Variants in ZDHHC8 observed in about 807,000 individuals in gnomAD.
ZDHHC8 encodes zDHHC palmitoyltransferase 8.
ZDHHC8 carries 24 observed loss-of-function variants against 61.2 expected under a neutral mutation model. The ratio of observed to expected loss-of-function variants is 0.39; its 90% CI spans 0.28 to 0.55. ZDHHC8 has a LOEUF of 0.55. ZDHHC8 is among the 20% of genes least tolerant of loss of function. ZDHHC8 has a pLI of 0.60. For missense variants in ZDHHC8, 935 were observed against 1,102.1 expected (o/e 0.85, Z 2.15); for synonymous variants, 523 against 492.5 (o/e 1.06, Z -0.82).
chr22:20,143,278 G>T lies in ZDHHC8; in HGVS notation c.1648G>T (p.Ala550Ser), dbSNP rs752151823. ...CGACAACCTGTCCAGGACCATCATG[G>T]CATCCATCCAGGAGCGCAAGGACAG... is the stretch of plus-strand genomic sequence containing the variant. ...RYDNLSRTIM[A>S]SIQERKDREE... Residue 550 changes from alanine to serine, a missense_variant, in exon 10 of 11, where the codon GCA becomes TCA. Ala to Ser is a moderately conservative substitution (Grantham distance 99, BLOSUM62 1). Coordinates refer to ENST00000334554, the MANE Select transcript of ZDHHC8 (RefSeq NM_013373.4). 9 of 1,605,812 alleles carry T rather than the reference G, an allele frequency of 5.6e-6. No individual in the cohort carries two copies. Among genetic ancestry groups the T allele is most frequent in the Non-Finnish European group, 7.6e-6 (9 of 1,179,288 alleles).
Position 20,145,297 on chromosome 22 carries a change from G to A in ZDHHC8, c.2195G>A (p.Gly732Glu), listed in dbSNP as rs751877067. 7 of 1,591,556 alleles carry A rather than the reference G, an allele frequency of 4.4e-6. No homozygotes were observed. The South Asian group carries it at 6.7e-5, about 15-fold the overall frequency. The stretch of plus-strand genomic sequence containing the variant: ...CAGTCCCCGGGCCTGGCCCGGCTGG[G>A]ACCTGCCACCGGCCCCCCAGGGCCC... ...NGQSPGLARL[G>E]PATGPPGPSA... Residue 732 changes from glycine to glutamate, a missense_variant, in exon 11 of 11, where the codon GGA becomes GAA. Transcript: ENST00000334554.
At position 20,131,856 on chromosome 22, in the gene ZDHHC8, C is replaced by G. The variant is rs1378162984; in HGVS notation, c.-92C>G. On this transcript the variant is annotated 5_prime_UTR_variant, in exon 1 of 11. Coordinates refer to ENST00000334554, the MANE Select transcript of ZDHHC8 (RefSeq NM_013373.4). ...CGCCGCCGCCGCCGCGGGTCCTGCGCCGCGTCCAGCCCGCCCGCCCGACCC... is the reference window on the plus strand; with the variant it reads ...CGCCGCCGCCGCCGCGGGTCCTGCGGCGCGTCCAGCCCGCCCGCCCGACCC... 1 of 372,138 alleles carries G rather than the reference C, an allele frequency of 2.7e-6. No individual in the cohort carries two copies. 23.1% of individuals were successfully genotyped at this position (372,138 alleles called of 1,614,324 possible). A position where few individuals can be genotyped will look rare whatever the true frequency, so the allele number is the denominator to read the frequency against.
At position 20,142,958 on chromosome 22, in the gene ZDHHC8, G is replaced by A. The variant is rs765239609; in HGVS notation, c.1328G>A (p.Gly443Glu). 2 of 1,601,478 alleles carry A rather than the reference G, an allele frequency of 1.2e-6. No individual in the cohort carries two copies. The highest frequency in any genetic ancestry group is 1.1e-5 in the South Asian group (1 of 90,284). ...CTCAAGGCCTCGAGCCGGCGGGGCG[G>A]GGATCATGTGGCCCTGCAGCCCCTG... ...LSLKASSRRG[G>E]DHVALQPLRS... The change falls in exon 10 of 11, where the codon GGG becomes GAG. Residue 443 changes from glycine (G) to glutamate (E), a missense_variant. Physicochemically the swap from Gly to Glu is moderately conservative, Grantham distance 98. This residue lies in a region of ZDHHC8 where 692 missense variants were observed against 731.4 expected (regional missense o/e 0.95). Transcript: ENST00000334554.
At position 20,143,479 on chromosome 22, in the gene ZDHHC8, G is replaced by T; in HGVS notation, c.1849G>T (p.Gly617Cys). 1 of 1,600,120 alleles carries T rather than the reference G, an allele frequency of 6.2e-7. No individual in the cohort carries two copies. The change falls in exon 10 of 11, where the codon GGT becomes TGT. Residue 617 changes from glycine (G) to cysteine (C), a missense_variant. By Grantham distance (159) the Gly-to-Cys change is radical. Transcript: ENST00000334554. The stretch of plus-strand genomic sequence containing the variant: ...CGACCTTGTGGCTGGGCCCGGCTTC[G>T]GTGGCGCCCGCAACCCTGCCCTGCA... ...RDDLVAGPGF[G>C]GARNPALQTS...
At chr22:20,142,253 G>A (rs932189032) in intron 9 of ZDHHC8, among the ~76,000 whole-genome samples, 9 of 152,200 alleles carry the variant, frequency 5.9e-5, no homozygotes, top group African/African-American at 1.4e-4. Flanking sequence ...GCCGTGCCTC[G>A]CAGGAGGAGG....
chr22:20,140,697 C>A lies in ZDHHC8; in HGVS notation c.741C>A (p.Pro247=). The change falls in exon 6 of 11, where the codon CCC becomes CCA. Residue 247 remains proline, a synonymous_variant. Coordinates refer to ENST00000334554, the MANE Select transcript of ZDHHC8 (RefSeq NM_013373.4). ...CGNVEHVLCS[P]LAPRYVVEPP... ...ATGTGGAGCACGTGCTGTGTAGCCC[C>A]CTGGCGCCCCGGTGAGGCCCGGCCT... The A allele has an allele frequency of 6.2e-7, 1 of 1,611,164 alleles. No homozygotes were observed. The highest frequency in any genetic ancestry group is 8.5e-7 in the Non-Finnish European group (1 of 1,179,418).
rs60730595 is a variant in ZDHHC8, at chr22:20,147,451, G to T, written c.*2051G>T. On this transcript the variant is annotated 3_prime_UTR_variant, in exon 11 of 11. Transcript: ENST00000334554. ...CTGCAGGGGGTCCAGCACCCCACAG[G>T]GGGGCAGTCCCAGAGCTGTGGGGAC... is the stretch of plus-strand genomic sequence containing the variant. 0.038 allele frequency: 17,971 copies of T among 468,674 alleles called. 417 individuals are homozygous for T. The highest frequency in any genetic ancestry group is 0.047 in the East Asian group (1,322 of 27,854). The allele number at this position is 468,674 out of a possible 1,614,324, so 29.0% of individuals were successfully genotyped here.
intron 1 of ZDHHC8, among the ~76,000 whole-genome samples, chr22:20,138,018 G>C (rs1393224005): frequency 1.3e-5 from 2 of 152,276 alleles, no homozygotes; most frequent in Non-Finnish European, 2.9e-5. Context: ...TCTTTAAATA[G>C]CCTCTTGCTT....
intron 1 of ZDHHC8, among the ~76,000 whole-genome samples, chr22:20,138,354 C>G (rs963672031): frequency 7.2e-5 from 11 of 152,238 alleles, no homozygotes; most frequent in African/African-American, 2.7e-4. Context: ...TTCTTGGAAG[C>G]TGAGTGGGTG....
chr22:20,138,077 C>T (rs993700656), intron 1 of ZDHHC8, among the ~76,000 whole-genome samples: 7 of 152,252 alleles, frequency 4.6e-5, no homozygotes, highest in African/African-American at 9.6e-5. Flanking sequence ...GTTGCCGGGG[C>T]GGCGGGGCTG....
intron 9 of ZDHHC8, 108 bp from the exon 10 acceptor site, chr22:20,142,648 G>A: frequency 6.9e-7 from 1 of 1,440,056 alleles, no homozygotes; most frequent in Non-Finnish European, 9.5e-7. Context: ...GGCTCCTTGA[G>A]GCCCAGTTCC....
At chr22:20,133,019 G>A (rs1363664067) in intron 1 of ZDHHC8, among the ~76,000 whole-genome samples, 2 of 152,228 alleles carry the variant, frequency 1.3e-5, no homozygotes, top group African/African-American at 2.4e-5. Context: ...CCTGGAGAGG[G>A]GCAGGTAGGG....
Position 20,143,652 on chromosome 22 carries a change from C to T in ZDHHC8, c.2022C>T (p.Pro674=), listed in dbSNP as rs776648020. Residue 674 remains proline (P), a synonymous_variant, in exon 10 of 11, where the codon CCC becomes CCT. Transcript: ENST00000334554. ...SHRSPARQGL[P]SPPGTPHSPS... ...GGTCACCTGCACGCCAGGGCCTGCC[C>T]TCCCCGCCCGGCACTCCCCACTCAC... The T allele has an allele frequency of 1.2e-6, 2 of 1,607,732 alleles. No individual in the cohort carries two copies. The highest frequency in any genetic ancestry group is 1.1e-5 in the South Asian group (1 of 90,672).
chr22:20,137,981 C>T (rs1369492189), intron 1 of ZDHHC8, among the ~76,000 whole-genome samples: 5 of 152,258 alleles, frequency 3.3e-5, no homozygotes, highest in Non-Finnish European at 4.4e-5. Context: ...CCAGCCCCGC[C>T]GAGGATGGCT....
chr22:20,138,936 T>C (rs1489387046), intron 1 of ZDHHC8, among the ~76,000 whole-genome samples: 1 of 151,570 alleles, frequency 6.6e-6, no homozygotes, highest in Non-Finnish European at 1.5e-5. Flanking sequence ...TCTGTGGGCC[T>C]CTCTGAGACG....
intron 1 of ZDHHC8, 149 bp downstream of exon 1, chr22:20,132,200 AC>A (rs1196288440): frequency 2.9e-5 from 10 of 346,476 alleles, no homozygotes; most frequent in African/African-American, 2.0e-4. Context: ...GTCCCTCTCC[AC>A]CCGCTGGGGC....
rs1222928940 is a variant in ZDHHC8 at position 20,145,697 on chromosome 22, C to A, written c.*297C>A. On this transcript the variant is annotated 3_prime_UTR_variant, in exon 11 of 11. Coordinates refer to ENST00000334554, the MANE Select transcript of ZDHHC8 (RefSeq NM_013373.4). ...GGGCCCAGTCAGCCTCTTTGGGGCA[C>A]CCTCTCTCAGCCAGGCTTGGCCCAC... 1 of 1,051,166 alleles carries A rather than the reference C, an allele frequency of 9.5e-7. No individual in the cohort carries two copies. The highest frequency in any genetic ancestry group is 1.1e-6 in the Non-Finnish European group (1 of 872,464). The allele number at this position is 1,051,166 out of a possible 1,614,324, so 65.1% of individuals were successfully genotyped here.
At position 20,146,884 on chromosome 22, in the gene ZDHHC8, T is replaced by A. The variant is rs2050531013; in HGVS notation, c.*1484T>A. The A allele has an allele frequency of 7.8e-7, 1 of 1,279,012 alleles. No individual in the cohort carries two copies. The highest frequency in any genetic ancestry group is 2.6e-5 in the South Asian group (1 of 38,320). The allele number at this position is 1,279,012 out of a possible 1,614,324, so 79.2% of individuals were successfully genotyped here. ...CATGCCAGGGGCAGGGCTGAGGGAGTGTGAGGGATGCACAGCTGTTCAGGG... is the reference window on the plus strand; with the variant it reads ...CATGCCAGGGGCAGGGCTGAGGGAGAGTGAGGGATGCACAGCTGTTCAGGG... On this transcript the variant is annotated 3_prime_UTR_variant, in exon 11 of 11. Transcript: ENST00000334554.
Position 20,147,142 on chromosome 22 carries a change from A to G in ZDHHC8, c.*1742A>G, listed in dbSNP as rs1255113905. 2.0e-6 allele frequency: 3 copies of G among 1,533,684 alleles called. No individual in the cohort carries two copies. Among genetic ancestry groups the G allele is most frequent in the Non-Finnish European group, 2.6e-6 (3 of 1,140,316 alleles). ...CCGCCCACCACTGCGGGCCCCCTGG[A>G]GCCAGGCCGCCGGGGCACCCCCACG... On this transcript the variant is annotated 3_prime_UTR_variant, in exon 11 of 11. Transcript: ENST00000334554.
Sources: allele counts gnomAD v4.1 joint callset (sites outside exome capture counted in the v4.1 genomes callset), GRCh38; gene constraint gnomAD v4.1.1; regional missense constraint gnomAD v4.1.1; transcripts MANE v1.5; gene names NCBI Gene and HGNC (gene_info 2026-07-23, HGNC 2026-07-21).